Variants in PRKCA observed in about 807,000 individuals in gnomAD.
PRKCA encodes the protein protein kinase C alpha.
PRKCA carries 27 observed loss-of-function variants against 87.0 expected under a neutral mutation model. The ratio of observed to expected loss-of-function variants is 0.31; its 90% CI spans 0.23 to 0.43. The LOEUF is 0.43. Among genes scored for constraint, PRKCA ranks in the 20% least tolerant of loss-of-function variants. PRKCA has a pLI of 1.00. For missense variants in PRKCA, 518 were observed against 852.3 expected (o/e 0.61, Z 4.88); for synonymous variants, 329 against 311.1 (o/e 1.06, Z -0.61).
At chr17:66,351,378 G>A (rs1907735502) in intron 2 of PRKCA, among the ~76,000 whole-genome samples, 1 of 152,332 alleles carries the variant, frequency 6.6e-6, no homozygotes, top group South Asian at 2.1e-4. Context: ...TCCTGGCATT[G>A]TGTTGGTTCC....
chr17:66,733,574 T>A (rs1445990366), intron 9 of PRKCA, among the ~76,000 whole-genome samples: 1 of 152,168 alleles, frequency 6.6e-6, no homozygotes, highest in Non-Finnish European at 1.5e-5. Flanking sequence ...GGTGGACCAC[T>A]TGAGGTCAGG....
chr17:66,671,871 A>G (rs1972196515), intron 5 of PRKCA, among the ~76,000 whole-genome samples: 1 of 152,234 alleles, frequency 6.6e-6, no homozygotes, highest in African/African-American at 2.4e-5. Flanking sequence ...AACAGAGCGA[A>G]CATTAACAAA....
At chr17:66,609,488 C>T (rs997120013) in intron 3 of PRKCA, among the ~76,000 whole-genome samples, 4 of 152,288 alleles carry the variant, frequency 2.6e-5, no homozygotes, top group South Asian at 4.1e-4. Context: ...TGCCAATCAT[C>T]GATCAGTCCT....
intron 3 of PRKCA, among the ~76,000 whole-genome samples, chr17:66,606,425 A>C (rs1243853121): frequency 6.6e-6 from 1 of 152,172 alleles, no homozygotes; most frequent in Non-Finnish European, 1.5e-5. Context: ...AACCAAAGAA[A>C]TACCAGGAGA....
At chr17:66,617,023 A>G (rs1272535059) in intron 3 of PRKCA, among the ~76,000 whole-genome samples, 1 of 152,162 alleles carries the variant, frequency 6.6e-6, no homozygotes, top group Non-Finnish European at 1.5e-5. Flanking sequence ...CCTCGTTTAT[A>G]ATTCTGATTA....
intron 3 of PRKCA, among the ~76,000 whole-genome samples, chr17:66,594,833 A>T (rs11867591): frequency 0.043 from 6,532 of 152,244 alleles, 203 homozygotes; most frequent in Non-Finnish European, 0.066. Flanking sequence ...CACATTCCTC[A>T]GTTAAGGACC....
At chr17:66,621,038 C>G (rs1032770911) in intron 3 of PRKCA, among the ~76,000 whole-genome samples, 9 of 152,204 alleles carry the variant, frequency 5.9e-5, no homozygotes, top group Admixed American at 5.2e-4. Flanking sequence ...TGCATCTGCT[C>G]CTAAAACAAT....
At chr17:66,428,794 G>T (rs1425901283) in intron 2 of PRKCA, among the ~76,000 whole-genome samples, 1 of 152,078 alleles carries the variant, frequency 6.6e-6, no homozygotes, top group Non-Finnish European at 1.5e-5. Flanking sequence ...GTGAGCCACC[G>T]CGCCCAGCCT....
At chr17:66,708,446 G>C (rs1973242342) in intron 8 of PRKCA, among the ~76,000 whole-genome samples, 1 of 152,114 alleles carries the variant, frequency 6.6e-6, no homozygotes, top group South Asian at 2.1e-4. Context: ...TCCCAGAGAA[G>C]ATTTGGGATG....
intron 13 of PRKCA, among the ~76,000 whole-genome samples, chr17:66,742,994 T>G (rs1974190409): frequency 6.6e-6 from 1 of 152,204 alleles, no homozygotes; most frequent in Non-Finnish European, 1.5e-5. Flanking sequence ...GCCAGTTGCT[T>G]GGGAAAATGT....
rs143829031 is a variant in PRKCA, at chr17:66,777,679, T to C, written c.1605+3612T>C. Reference sequence around the variant, plus strand: ...TCCCCCTCTTGATCCCACTTGAATGTTCAGCTCTTGAGTCTGGAAAACAAA... The same window carrying C: ...TCCCCCTCTTGATCCCACTTGAATGCTCAGCTCTTGAGTCTGGAAAACAAA... On this transcript the variant is annotated intron_variant, in intron 14 of 16. Coordinates refer to ENST00000413366, the MANE Select transcript of PRKCA (RefSeq NM_002737.3). 3.0e-6 allele frequency: 3 copies of C among 985,382 alleles called. No homozygotes were observed. In the African/African-American group the frequency reaches 5.2e-5, roughly 17 times the overall value. 61.0% of individuals were successfully genotyped at this position (985,382 alleles called of 1,614,324 possible).
At chr17:66,800,479 C>T (rs1975875552) in intron 16 of PRKCA, among the ~76,000 whole-genome samples, 1 of 152,158 alleles carries the variant, frequency 6.6e-6, no homozygotes, top group African/African-American at 2.4e-5. Context: ...CAGGAGTGAC[C>T]CTTCTCTGGA....
intron 2 of PRKCA, among the ~76,000 whole-genome samples, chr17:66,389,405 G>T (rs114834028): frequency 6.6e-6 from 1 of 152,198 alleles, no homozygotes; most frequent in Non-Finnish European, 1.5e-5. Context: ...CTCCTGGGGG[G>T]TCTCTAGCTC....
Position 66,486,720 on chromosome 17 carries a change from C to T in PRKCA, c.206-9481C>T, listed in dbSNP as rs534364745. Among the ~76,000 whole-genome samples, 6 of 152,264 alleles carry T rather than the reference C, an allele frequency of 3.9e-5. No homozygotes were observed. In the South Asian group the frequency reaches 1.0e-3, roughly 26 times the overall value. ...TCTTTTGGCCTCTAACCTTGAATCTCCACCTGCTTGTCTGACACATCTATC... is the reference window on the plus strand; with the variant it reads ...TCTTTTGGCCTCTAACCTTGAATCTTCACCTGCTTGTCTGACACATCTATC... On this transcript the variant is annotated intron_variant, in intron 2 of 16. Transcript: ENST00000413366.
At chr17:66,711,359 A>G (rs1030536888) in intron 8 of PRKCA, among the ~76,000 whole-genome samples, 1 of 152,170 alleles carries the variant, frequency 6.6e-6, no homozygotes, top group South Asian at 2.1e-4. Flanking sequence ...AAATCCTGTA[A>G]TTGTTCTGAT....
chr17:66,529,483 G>C (rs1054701812), intron 3 of PRKCA, among the ~76,000 whole-genome samples: 1 of 152,106 alleles, frequency 6.6e-6, no homozygotes, highest in Non-Finnish European at 1.5e-5. Context: ...TGGAGCTCAC[G>C]GGCCATCAAG....
chr17:66,504,253 T>G (rs1916871016), intron 3 of PRKCA, among the ~76,000 whole-genome samples: 2 of 152,172 alleles, frequency 1.3e-5, no homozygotes, highest in East Asian at 3.9e-4. Flanking sequence ...TATCCTCTAA[T>G]TGCAAGGGTA....
chr17:66,550,023 G>C (rs1448722694), intron 3 of PRKCA, among the ~76,000 whole-genome samples: 4 of 152,042 alleles, frequency 2.6e-5, no homozygotes, highest in African/African-American at 7.3e-5. Context: ...AAGACCCCTG[G>C]GTACTTGCAT....
At chr17:66,550,770 ACTG>A (rs1287360918) in intron 3 of PRKCA, among the ~76,000 whole-genome samples, 1 of 152,046 alleles carries the variant, frequency 6.6e-6, no homozygotes, top group Non-Finnish European at 1.5e-5. Context: ...CCGTTCATTC[ACTG>A]CCTCCTCCAT....
Sources: allele counts gnomAD v4.1 joint callset (sites outside exome capture counted in the v4.1 genomes callset), GRCh38; gene constraint gnomAD v4.1.1; transcripts MANE v1.5; gene names NCBI Gene and HGNC (gene_info 2026-07-23, HGNC 2026-07-21).